Variants in EBF2 observed in about 807,000 individuals in gnomAD.
EBF2 encodes transcription factor COE2.
In EBF2, 21 loss-of-function variants were observed where a neutral mutation model predicts 72.8. That is an observed-to-expected ratio of 0.29 (90% CI 0.20 to 0.42). The LOEUF is 0.42. EBF2 is among the 10% of genes least tolerant of loss of function. The pLI is 1.00. For missense variants in EBF2, 637 were observed against 731.2 expected (o/e 0.87, Z 1.49); for synonymous variants, 299 against 274.2 (o/e 1.09, Z -0.89).
intron 7 of EBF2, among the ~76,000 whole-genome samples, chr8:25,905,124 G>A (rs1307801337): frequency 6.6e-6 from 1 of 152,100 alleles, no homozygotes; most frequent in Non-Finnish European, 1.5e-5. Flanking sequence ...TTAAGGAAAT[G>A]CAAATCAAAA....
intron 6 of EBF2, among the ~76,000 whole-genome samples, chr8:25,964,144 AG>A (rs1224166107): frequency 3.3e-5 from 5 of 152,102 alleles, no homozygotes; most frequent in Non-Finnish European, 7.3e-5. Context: ...GTACAAGGGG[AG>A]GGAGAAGTGA....
chr8:26,013,339 A>G (rs993598129), intron 6 of EBF2, among the ~76,000 whole-genome samples: 8 of 152,082 alleles, frequency 5.3e-5, no homozygotes, highest in African/African-American at 1.2e-4. Context: ...TGCTTCTCCC[A>G]CTGACACTGC....
chr8:25,920,613 T>C (rs1190880633), intron 6 of EBF2, among the ~76,000 whole-genome samples: 1 of 152,222 alleles, frequency 6.6e-6, no homozygotes, highest in Admixed American at 6.5e-5. Flanking sequence ...TTTTGAGTAA[T>C]TCCTAATCAG....
At position 26,040,928 on chromosome 8, in the gene EBF2, G is replaced by A. The variant is rs756950781; in HGVS notation, c.352+11C>T. On this transcript the variant is annotated intron_variant, in intron 3 of 15. Transcript: ENST00000520164. ...TAGGCGCCGGCTCACCGTTGCTGTA[G>A]AAGAGCTCACCGTTGCTGTAGAGGA... 2 of 1,614,004 alleles carry A rather than the reference G, an allele frequency of 1.2e-6. No homozygotes were observed. Among genetic ancestry groups the A allele is most frequent in the Admixed American group, 1.7e-5 (1 of 60,020 alleles).
At chr8:25,976,854 T>C (rs1442741174) in intron 6 of EBF2, among the ~76,000 whole-genome samples, 1 of 152,212 alleles carries the variant, frequency 6.6e-6, no homozygotes, top group Non-Finnish European at 1.5e-5. Context: ...GTTTAAACTT[T>C]GCCACTTTGG....
chr8:25,851,641 A>G (rs945216483), intron 14 of EBF2, among the ~76,000 whole-genome samples: 6 of 152,212 alleles, frequency 3.9e-5, no homozygotes, highest in African/African-American at 1.4e-4. Context: ...ACCTTATAGT[A>G]TAGTTTTAGG....
intron 6 of EBF2, among the ~76,000 whole-genome samples, chr8:26,017,811 T>C (rs1277661212): frequency 6.6e-6 from 1 of 152,234 alleles, no homozygotes; most frequent in Non-Finnish European, 1.5e-5. Context: ...CAATCTCTTT[T>C]GGCACCTAGA....
chr8:25,870,498 G>A (rs1291122527), intron 10 of EBF2, among the ~76,000 whole-genome samples: 1 of 152,130 alleles, frequency 6.6e-6, no homozygotes, highest in Non-Finnish European at 1.5e-5. Context: ...GTCCAGCCAG[G>A]TAGCACCACC....
chr8:26,044,323 C>T lies in EBF2; in HGVS notation c.131+406G>A, dbSNP rs1805663372. 1.3e-5 allele frequency among the ~76,000 whole-genome samples: 2 copies of T among 152,190 alleles called. No homozygotes were observed. The highest frequency in any genetic ancestry group is 6.5e-5 in the Admixed American group (1 of 15,288). ...GCGCTCGCAGGCGGCGTGGCGAAGC[C>T]AAGAGTGGCCAGGAAGCCGGCTTTC... On this transcript the variant is annotated intron_variant, in intron 1 of 15. Transcript: ENST00000520164. The surrounding 1 kb of genome is among the most constrained non-coding windows in gnomAD (Gnocchi z 4.1).
chr8:25,967,279 A>G (rs1031795401), intron 6 of EBF2, among the ~76,000 whole-genome samples: 1 of 152,230 alleles, frequency 6.6e-6, no homozygotes, highest in Admixed American at 6.5e-5. Flanking sequence ...GATACAAAGA[A>G]AAACGGAGCT....
intron 15 of EBF2, 38 bp downstream of exon 15, chr8:25,850,556 G>T (rs1229481865): frequency 1.3e-6 from 2 of 1,497,996 alleles, no homozygotes; most frequent in South Asian, 2.8e-5. Flanking sequence ...CCAACCCTAT[G>T]GTACATTGTG....
intron 6 of EBF2, among the ~76,000 whole-genome samples, chr8:25,913,756 G>T (rs1803168343): frequency 6.6e-6 from 1 of 152,152 alleles, no homozygotes; most frequent in Non-Finnish European, 1.5e-5. Flanking sequence ...GTCACTAAAG[G>T]CTGAGTCAAA....
At chr8:25,994,028 G>A (rs953910214) in intron 6 of EBF2, among the ~76,000 whole-genome samples, 1 of 152,032 alleles carries the variant, frequency 6.6e-6, no homozygotes, top group Non-Finnish European at 1.5e-5. Flanking sequence ...TATATACCCT[G>A]CTTGACAAGA....
chr8:25,992,368 G>A lies in EBF2; in HGVS notation c.551+40717C>T, dbSNP rs533923428. On this transcript the variant is annotated intron_variant, in intron 6 of 15. Transcript: ENST00000520164. ...AAAAAAAAAAAAAAAGCAAAAGGCA[G>A]TGTATAGGCCAAGACCAGATGCAAG... Among the ~76,000 whole-genome samples the A allele has an allele frequency of 4.8e-5, 7 of 144,576 alleles. No individual in the cohort carries two copies. The East Asian group carries it at 1.5e-3, about 30-fold the overall frequency. The allele number at this position is 144,576 out of a possible 152,430, so 94.8% of individuals were successfully genotyped here.
chr8:25,862,962 A>G (rs1014563691), intron 10 of EBF2, among the ~76,000 whole-genome samples, 165 bp from the exon 11 acceptor site: 1 of 152,076 alleles, frequency 6.6e-6, no homozygotes, highest in Non-Finnish European at 1.5e-5. Flanking sequence ...TTTGGAATTT[A>G]TAGTACTTTT....
chr8:25,927,320 T>C (rs1352636174), intron 6 of EBF2, among the ~76,000 whole-genome samples: 1 of 141,576 alleles, frequency 7.1e-6, no homozygotes, highest in Non-Finnish European at 1.5e-5. Context: ...CTAGATATCA[T>C]GTATTTATAT....
intron 5 of EBF2, among the ~76,000 whole-genome samples, chr8:26,033,924 C>G (rs1805450663): frequency 6.6e-6 from 1 of 152,188 alleles, no homozygotes; most frequent in African/African-American, 2.4e-5. Context: ...TAATTCTCAG[C>G]AAATCACAAC....
intron 6 of EBF2, among the ~76,000 whole-genome samples, chr8:25,910,140 C>G (rs1686265179): frequency 6.6e-6 from 1 of 152,124 alleles, no homozygotes; most frequent in Admixed American, 6.6e-5. Flanking sequence ...GCATCTCTGC[C>G]CGGGTCGTCA....
intron 6 of EBF2, among the ~76,000 whole-genome samples, chr8:26,018,447 T>G (rs1310972067): frequency 3.8e-5 from 5 of 132,948 alleles, no homozygotes; most frequent in African/African-American, 1.2e-4. Context: ...GGTCAGGAGA[T>G]CGAGACCATC....
Sources: allele counts gnomAD v4.1 joint callset (sites outside exome capture counted in the v4.1 genomes callset), GRCh38; gene constraint gnomAD v4.1.1; non-coding constraint Gnocchi (gnomAD v3.1); transcripts MANE v1.5; gene names NCBI Gene and HGNC (gene_info 2026-07-23, HGNC 2026-07-21).